Variants in VPS53 observed in about 807,000 individuals in gnomAD.
The protein encoded by VPS53 is vacuolar protein sorting-associated protein 53 homolog.
Under a neutral mutation model 107.0 loss-of-function variants are expected in VPS53, and 70 were observed. That is an observed-to-expected ratio of 0.65 (90% confidence interval 0.54 to 0.80). The LOEUF is 0.80. Ranked by LOEUF, VPS53 falls within the 30% of genes least tolerant of loss-of-function variation. The pLI is 0.00. For missense variants in VPS53, 917 were observed against 1,049.4 expected (o/e 0.87, Z 1.74); for synonymous variants, 409 against 393.3 (o/e 1.04, Z -0.47).
At position 661,893 on chromosome 17, in the gene VPS53, C is replaced by A. The variant is rs202196748; in HGVS notation, c.288G>T (p.Ala96=). ...GGATAGCTTTCTGAGCCTCTTCAAGCGCCTAGAGTAAGGGAAATACATGAA... is the reference window on the plus strand; with the variant it reads ...GGATAGCTTTCTGAGCCTCTTCAAGAGCCTAGAGTAAGGGAAATACATGAA... ...QTNVGQDGRQ[A]LEEAQKAIQQ... is the part of the protein sequence containing the mutation. Residue 96 remains alanine, a splice_region_variant and synonymous_variant, in exon 5 of 22, where the codon GCG becomes GCT. Coordinates refer to ENST00000437048, the MANE Select transcript of VPS53 (RefSeq NM_001128159.3). The A allele has an allele frequency of 5.3e-4, 823 of 1,551,734 alleles. No homozygotes were observed. The highest frequency in any genetic ancestry group is 6.9e-4 in the Non-Finnish European group (797 of 1,146,954).
chr17:630,050 T>C (rs543062184), intron 8 of VPS53, among the ~76,000 whole-genome samples: 2 of 152,158 alleles, frequency 1.3e-5, no homozygotes, highest in South Asian at 2.1e-4. Context: ...TCCCAGCACT[T>C]TGGGAGGCCG....
intron 4 of VPS53, among the ~76,000 whole-genome samples, chr17:671,706 CT>C (rs113856697): frequency 2.3e-3 from 318 of 138,600 alleles, no homozygotes; most frequent in Middle Eastern, 7.5e-3. Context: ...TTTCCCATGA[CT>C]TTTTTTTTTT....
At chr17:672,174 A>ACTCTCTCTCTCTCTCTCTCTCTCTCT (rs1567727983) in intron 4 of VPS53, among the ~76,000 whole-genome samples, 3 of 40,228 alleles carry the variant, frequency 7.5e-5, no homozygotes, top group Non-Finnish European at 1.6e-4. Context: ...ACACAATCTC[A>ACTCTCTCTCTCTCTCTCTCTCTCTCT]ATCTCTCTCT....
At chr17:646,460 T>G (rs796960733) in intron 7 of VPS53, among the ~76,000 whole-genome samples, 4 of 137,016 alleles carry the variant, frequency 2.9e-5, no homozygotes, top group Admixed American at 7.9e-5. Context: ...CCCACACACA[T>G]CTCCGTGACC....
At chr17:650,474 G>A (rs989347968) in intron 7 of VPS53, among the ~76,000 whole-genome samples, 1 of 151,140 alleles carries the variant, frequency 6.6e-6, no homozygotes, top group African/African-American at 2.4e-5. Flanking sequence ...TCCAGCCTGG[G>A]CAACACAGCA....
intron 18 of VPS53, among the ~76,000 whole-genome samples, chr17:533,295 G>C (rs773495029): frequency 2.6e-5 from 4 of 152,178 alleles, no homozygotes; most frequent in Non-Finnish European, 4.4e-5. Flanking sequence ...TTTTTGTAGA[G>C]GCAGGATTTC....
chr17:531,091 C>G (rs1909502469), intron 19 of VPS53, among the ~76,000 whole-genome samples: 1 of 152,258 alleles, frequency 6.6e-6, no homozygotes, highest in South Asian at 2.1e-4. Flanking sequence ...GCTGAGTTAA[C>G]TTGATTCTGA....
intron 12 of VPS53, among the ~76,000 whole-genome samples, chr17:599,559 T>G (rs1234186493): frequency 1.3e-5 from 2 of 149,970 alleles, no homozygotes; most frequent in Non-Finnish European, 3.0e-5. Flanking sequence ...GGCAGCATGC[T>G]CGTTAAGAGT....
intron 13 of VPS53, among the ~76,000 whole-genome samples, chr17:582,248 GA>G (rs1333832484): frequency 7.0e-6 from 1 of 142,516 alleles, no homozygotes; most frequent in Non-Finnish European, 1.5e-5. Context: ...ACCTCCCTCA[GA>G]ACCTCAGTGC....
At chr17:666,504 A>C (rs1971694636) in intron 4 of VPS53, among the ~76,000 whole-genome samples, 1 of 152,152 alleles carries the variant, frequency 6.6e-6, no homozygotes, top group South Asian at 2.1e-4. Flanking sequence ...TCTCTACTCA[A>C]AATACAAAAA....
chr17:653,001 C>A (rs970186188), intron 7 of VPS53, among the ~76,000 whole-genome samples: 1 of 152,230 alleles, frequency 6.6e-6, no homozygotes, highest in Non-Finnish European at 1.5e-5. Flanking sequence ...GCACCAGGTC[C>A]TTTTCTGAAA....
At chr17:619,715 CGTGT>C (rs1969376800) in intron 11 of VPS53, among the ~76,000 whole-genome samples, 1 of 106,328 alleles carries the variant, frequency 9.4e-6, no homozygotes, top group Non-Finnish European at 2.0e-5. Context: ...GGACTACAGG[CGTGT>C]ACCACCACAC....
chr17:532,787 G>C (rs377294106), intron 19 of VPS53, 55 bp downstream of exon 19: 1 of 1,605,620 alleles, frequency 6.2e-7, no homozygotes, highest in Non-Finnish European at 8.5e-7. Context: ...AAGAATATGT[G>C]CTTGATCTAC....
At chr17:598,245 A>T (rs1968086203) in intron 12 of VPS53, among the ~76,000 whole-genome samples, 1 of 152,140 alleles carries the variant, frequency 6.6e-6, no homozygotes, top group Non-Finnish European at 1.5e-5. Context: ...TTGCAGACGG[A>T]GTCTCGTTCA....
intron 11 of VPS53, among the ~76,000 whole-genome samples, chr17:604,472 C>G (rs1363972437): frequency 6.6e-6 from 1 of 152,174 alleles, no homozygotes; most frequent in Non-Finnish European, 1.5e-5. Context: ...ACGGGCAGCC[C>G]TGAAGAAGCA....
At position 510,606 on chromosome 17, in the gene VPS53, G is replaced by A. The variant is rs567713677; in HGVS notation, c.*8522C>T. ...AGCCTCCAAGTCCCGTCCACTAAACGGAGCTTAACTTAGCAGGAATTTCAT... is the reference window on the plus strand; with the variant it reads ...AGCCTCCAAGTCCCGTCCACTAAACAGAGCTTAACTTAGCAGGAATTTCAT... On this transcript the variant is annotated 3_prime_UTR_variant, in exon 22 of 22. Transcript: ENST00000437048. The A allele has an allele frequency of 1.3e-5, 2 of 153,668 alleles. No homozygotes were observed. Among genetic ancestry groups the A allele is most frequent in the Admixed American group, 6.5e-5 (1 of 15,310 alleles). 9.5% of individuals were successfully genotyped at this position (153,668 alleles called of 1,614,324 possible). A position where few individuals can be genotyped will look rare whatever the true frequency, so the allele number is the denominator to read the frequency against.
chr17:535,410 G>A (rs72477027), intron 18 of VPS53, among the ~76,000 whole-genome samples: 3,734 of 136,036 alleles, frequency 0.027, 63 homozygotes, highest in East Asian at 0.069. Flanking sequence ...TAAGTCAACG[G>A]ACTCCTCCTT....
rs1051987083 is a variant in VPS53 at position 662,799 on chromosome 17, A to AAG, written c.286-906_286-905dup. On this transcript the variant is annotated intron_variant, in intron 4 of 21. Transcript: ENST00000437048. ...AGAAAGAAAGAAAAAAAGAAAGAGA[A>AAG]AGAAAGAAAAAAAGAAAGAAAGAGA... 1.9e-3 allele frequency among the ~76,000 whole-genome samples: 270 copies of AAG among 140,676 alleles called. 2 individuals are homozygous for AAG. The highest frequency in any genetic ancestry group is 6.3e-3 in the East Asian group (23 of 3,650). The allele number at this position is 140,676 out of a possible 152,430, so 92.3% of individuals were successfully genotyped here.
At chr17:671,539 T>C (rs1340391800) in intron 4 of VPS53, among the ~76,000 whole-genome samples, 1 of 152,156 alleles carries the variant, frequency 6.6e-6, no homozygotes, top group Non-Finnish European at 1.5e-5. Context: ...ATGCAAATTC[T>C]ATCAGCTACC....
Sources: allele counts gnomAD v4.1 joint callset (sites outside exome capture counted in the v4.1 genomes callset), GRCh38; gene constraint gnomAD v4.1.1; transcripts MANE v1.5; gene names NCBI Gene and HGNC (gene_info 2026-07-23, HGNC 2026-07-21).